The following PLA2G4A variants were observed in gnomAD, a reference collection of about 807,000 sequenced individuals.
The protein encoded by PLA2G4A is cytosolic phospholipase A2.
A neutral mutation model predicts 81.9 loss-of-function variants in PLA2G4A; 40 were observed. The observed-to-expected ratio is 0.49, with a 90% CI of 0.38 to 0.64. The LOEUF is 0.64. Among genes scored for constraint, PLA2G4A ranks in the 30% least tolerant of loss-of-function variants. The probability of loss-of-function intolerance (pLI) is 0.00; values close to 1 mark genes in which losing one functional copy is unlikely to be tolerated. For synonymous variants in PLA2G4A, 302 were observed against 296.9 expected (o/e 1.02, Z -0.18); for missense variants, 715 against 905.1 (o/e 0.79, Z 2.69).
chr1:186,835,118 A>C (rs1266307375), intron 1 of PLA2G4A, among the ~76,000 whole-genome samples: 1 of 152,202 alleles, frequency 6.6e-6, no homozygotes, highest in Non-Finnish European at 1.5e-5. Context: ...TTAGGTCAGC[A>C]CATGGCTTCT....
At chr1:186,847,561 CTA>C (rs1457345395) in intron 1 of PLA2G4A, among the ~76,000 whole-genome samples, 218 of 152,074 alleles carry the variant, frequency 1.4e-3, no homozygotes, top group African/African-American at 5.0e-3. Flanking sequence ...ACATGCACTA[CTA>C]AAATGGATAG....
intron 7 of PLA2G4A, among the ~76,000 whole-genome samples, chr1:186,913,608 C>G (rs192947297): frequency 2.5e-4 from 38 of 152,054 alleles, no homozygotes; most frequent in African/African-American, 9.2e-4. Flanking sequence ...TTGAATATGT[C>G]AAATGAATAT....
At chr1:186,919,513 C>T (rs1457511070) in intron 7 of PLA2G4A, among the ~76,000 whole-genome samples, 3 of 152,160 alleles carry the variant, frequency 2.0e-5, no homozygotes, top group Non-Finnish European at 4.4e-5. Flanking sequence ...AGGTCGTCCA[C>T]GTACAGGAGC....
At chr1:186,961,731 A>T (rs1251547043) in intron 14 of PLA2G4A, among the ~76,000 whole-genome samples, 2 of 151,788 alleles carry the variant, frequency 1.3e-5, no homozygotes, top group Admixed American at 6.6e-5. Flanking sequence ...TTTCAGCTAA[A>T]TTTTTTTTTA....
chr1:186,832,816 G>C (rs982405263), intron 1 of PLA2G4A, among the ~76,000 whole-genome samples: 1 of 152,102 alleles, frequency 6.6e-6, no homozygotes, highest in Non-Finnish European at 1.5e-5. Context: ...AGAATATTAA[G>C]AGTCTTAACA....
At chr1:186,897,915 A>C (rs1029164767) in intron 5 of PLA2G4A, among the ~76,000 whole-genome samples, 1 of 152,218 alleles carries the variant, frequency 6.6e-6, no homozygotes, top group African/African-American at 2.4e-5. Flanking sequence ...TCATCCAAGT[A>C]GTGAACATGG....
At chr1:186,962,732 G>A (rs56194835) in intron 14 of PLA2G4A, among the ~76,000 whole-genome samples, 32,103 of 152,018 alleles carry the variant, frequency 0.21, 3,942 homozygotes, top group Admixed American at 0.33. Context: ...GTGTTAGTCA[G>A]GATGGTCTCG....
At chr1:186,851,030 T>C (rs939458161) in intron 1 of PLA2G4A, among the ~76,000 whole-genome samples, 2 of 152,100 alleles carry the variant, frequency 1.3e-5, no homozygotes, top group East Asian at 1.9e-4. Flanking sequence ...ATATTTATTA[T>C]GGGCTAGGTA....
At position 186,925,196 on chromosome 1, in the gene PLA2G4A, C is replaced by T. The variant is rs192777952; in HGVS notation, c.559-7567C>T. Reference sequence around the variant, plus strand: ...TCTACAAACTTACTTGATTTCTTTACGTGTATTCCTGCCAGCATCTCAAAC... The same window carrying T: ...TCTACAAACTTACTTGATTTCTTTATGTGTATTCCTGCCAGCATCTCAAAC... On this transcript the variant is annotated intron_variant, in intron 7 of 17. Coordinates refer to ENST00000367466, the MANE Select transcript of PLA2G4A (RefSeq NM_024420.3). 1.9e-3 allele frequency among the ~76,000 whole-genome samples: 284 copies of T among 152,286 alleles called. 1 individual carries two copies. Among genetic ancestry groups the T allele is most frequent in the South Asian group, 3.1e-3 (15 of 4,820 alleles).
At chr1:186,897,452 A>G (rs1481019419) in intron 5 of PLA2G4A, among the ~76,000 whole-genome samples, 2 of 152,066 alleles carry the variant, frequency 1.3e-5, no homozygotes, top group Non-Finnish European at 2.9e-5. Context: ...CTAATTTGTA[A>G]AATTCTATGA....
At chr1:186,978,919 A>C (rs1279008101) in intron 16 of PLA2G4A, among the ~76,000 whole-genome samples, 1 of 152,242 alleles carries the variant, frequency 6.6e-6, no homozygotes, top group Non-Finnish European at 1.5e-5. Flanking sequence ...ACAAAATGGA[A>C]TAGACCTGTG....
intron 3 of PLA2G4A, among the ~76,000 whole-genome samples, chr1:186,875,733 A>G (rs1173460821): frequency 2.0e-5 from 3 of 152,032 alleles, no homozygotes; most frequent in Admixed American, 2.0e-4. Context: ...AGGCAGCGTC[A>G]CTCTAGGTAC....
intron 7 of PLA2G4A, among the ~76,000 whole-genome samples, chr1:186,917,606 A>G (rs1350346584): frequency 6.6e-6 from 1 of 152,172 alleles, no homozygotes; most frequent in Non-Finnish European, 1.5e-5. Flanking sequence ...TGAGCCACAA[A>G]TGCCGGCCCG....
chr1:186,965,971 AAGG>A (rs1344232986), intron 15 of PLA2G4A, among the ~76,000 whole-genome samples: 2 of 152,114 alleles, frequency 1.3e-5, no homozygotes, highest in Non-Finnish European at 1.5e-5. Flanking sequence ...AACAAGGGGA[AAGG>A]AGGAGAACAA....
In PLA2G4A at chr1:186,977,625, G is replaced by A. The variant is rs1353885833; in HGVS notation, c.1797G>A (p.Met599Ile). Residue 599 changes from methionine (M) to isoleucine (I), a missense_variant, in exon 16 of 18, where the codon ATG (methionine) becomes ATA (isoleucine). Coordinates refer to ENST00000367466, the MANE Select transcript of PLA2G4A (RefSeq NM_024420.3). ...TACTTGCAGAAAAGTGGGCTAAAAT[G>A]AACAAGCTCCCCTTTCCAAAGATTG... is the stretch of plus-strand genomic sequence containing the variant. ...ELLLAEKWAKMNKLPFPKIDP... is the reference protein window; with the variant it reads ...ELLLAEKWAKINKLPFPKIDP... The A allele has an allele frequency of 1.9e-6, 3 of 1,613,554 alleles. No individual in the cohort carries two copies. The highest frequency in any genetic ancestry group is 2.5e-6 in the Non-Finnish European group (3 of 1,179,598).
chr1:186,917,060 C>T (rs944487647), intron 7 of PLA2G4A, among the ~76,000 whole-genome samples: 10 of 151,966 alleles, frequency 6.6e-5, no homozygotes, highest in Non-Finnish European at 1.0e-4. Context: ...AGGTTTCACA[C>T]GGCTGTGGTG....
intron 1 of PLA2G4A, among the ~76,000 whole-genome samples, chr1:186,834,569 T>C (rs1216404323): frequency 6.6e-6 from 1 of 152,174 alleles, no homozygotes; most frequent in Non-Finnish European, 1.5e-5. Context: ...CGTGTTTCCA[T>C]AATAACTCAA....
chr1:186,961,741 A>T (rs1354954432), intron 14 of PLA2G4A, among the ~76,000 whole-genome samples: 1 of 152,134 alleles, frequency 6.6e-6, no homozygotes, highest in Non-Finnish European at 1.5e-5. Flanking sequence ...ATTTTTTTTT[A>T]AAAACTGAGT....
intron 14 of PLA2G4A, among the ~76,000 whole-genome samples, chr1:186,959,557 G>A (rs181295818): frequency 3.3e-5 from 5 of 152,116 alleles, no homozygotes; most frequent in East Asian, 3.9e-4. Flanking sequence ...AAAAAATTTA[G>A]TTCAGTCAGT....
Sources: gnomAD v4.1 joint callset for allele counts (sites outside exome capture counted in the v4.1 genomes callset) on GRCh38, gnomAD v4.1.1 for gene constraint, MANE v1.5 for transcripts, NCBI Gene and HGNC (gene_info 2026-07-23, HGNC 2026-07-21) for gene names.